The following SCYL2 variants were observed in gnomAD, a reference collection of about 807,000 sequenced individuals.
SCYL2 encodes the protein SCY1 like pseudokinase 2, also known as SCY1-like protein 2.
SCYL2 carries 36 observed loss-of-function variants against 100.4 expected under a neutral mutation model. That is an observed-to-expected ratio of 0.36 (90% CI 0.27 to 0.47). The LOEUF (loss-of-function observed/expected upper bound fraction) is 0.47. Ranked by LOEUF, SCYL2 falls within the 20% of genes least tolerant of loss-of-function variation. The pLI, the probability that SCYL2 is intolerant of heterozygous loss-of-function variation, is 1.00. For missense variants in SCYL2, 902 were observed against 1,083.9 expected (o/e 0.83, Z 2.36); for synonymous variants, 330 against 359.2 (o/e 0.92, Z 0.92).
At chr12:100,280,648 C>T (rs747564164) in intron 1 of SCYL2, among the ~76,000 whole-genome samples, 3 of 152,122 alleles carry the variant, frequency 2.0e-5, no homozygotes, top group Non-Finnish European at 4.4e-5. Context: ...GGTTGAATAT[C>T]CCTAATCCAA....
At chr12:100,319,399 A>T (rs537898708) in intron 10 of SCYL2, 46 of 349,350 alleles carry the variant, frequency 1.3e-4, no homozygotes, top group African/African-American at 9.4e-4. Flanking sequence ...AGTGATATTA[A>T]AGAAGAGGGA....
At chr12:100,301,239 C>G (rs1334220780) in intron 4 of SCYL2, among the ~76,000 whole-genome samples, 1 of 152,138 alleles carries the variant, frequency 6.6e-6, no homozygotes, top group Non-Finnish European at 1.5e-5. Flanking sequence ...TCGTGTTTCT[C>G]TGATGATCAT....
chr12:100,288,530 T>A (rs937117713), intron 2 of SCYL2, among the ~76,000 whole-genome samples: 2 of 152,174 alleles, frequency 1.3e-5, no homozygotes, highest in Non-Finnish European at 2.9e-5. Context: ...TAGTCCTTTT[T>A]TTATATATAC....
At position 100,291,678 on chromosome 12, in the gene SCYL2, C is replaced by A; in HGVS notation, c.335+18C>A. 6.4e-7 allele frequency: 1 copy of A among 1,560,420 alleles called. No homozygotes were observed. The highest frequency in any genetic ancestry group is 8.6e-7 in the Non-Finnish European group (1 of 1,161,216). On this transcript the variant is annotated intron_variant, in intron 3 of 17. Transcript: ENST00000360820. The stretch of plus-strand genomic sequence containing the variant: ...GAATCCAGGTAAATTTTTACAAAAA[C>A]TTACATAGTAGACTTCCTGAACAAA...
At chr12:100,319,036 T>C (rs530005180) in intron 10 of SCYL2, among the ~76,000 whole-genome samples, 1 of 152,368 alleles carries the variant, frequency 6.6e-6, no homozygotes, top group Admixed American at 6.5e-5. Flanking sequence ...TAAAAGCTTA[T>C]AGTCTCTGCT....
chr12:100,298,805 A>G (rs1480433348), intron 4 of SCYL2, among the ~76,000 whole-genome samples: 1 of 152,122 alleles, frequency 6.6e-6, no homozygotes, highest in East Asian at 1.9e-4. Context: ...GCTGGTCTCG[A>G]ACTCCTGACC....
At chr12:100,294,674 C>T (rs1472972091) in intron 3 of SCYL2, among the ~76,000 whole-genome samples, 14 of 127,266 alleles carry the variant, frequency 1.1e-4, no homozygotes, top group East Asian at 2.6e-4. Flanking sequence ...ACCTCCCGGA[C>T]GGGGTGGCTG....
intron 3 of SCYL2, 88 bp downstream of exon 3, chr12:100,291,748 C>A: frequency 7.6e-7 from 1 of 1,313,750 alleles, no homozygotes; most frequent in Non-Finnish European, 1.0e-6. Context: ...CAAGTATTGT[C>A]AGTGAAAAAT....
At chr12:100,304,504 C>T (rs368651825) in intron 4 of SCYL2, among the ~76,000 whole-genome samples, 6 of 152,100 alleles carry the variant, frequency 3.9e-5, no homozygotes, top group East Asian at 3.9e-4. Flanking sequence ...CTTCCCTTGG[C>T]GACAGGAGGG....
chr12:100,314,735 A>G (rs991732876), intron 8 of SCYL2, 121 bp downstream of exon 8: 7 of 991,096 alleles, frequency 7.1e-6, no homozygotes, highest in African/African-American at 5.2e-5. Flanking sequence ...ATAAATGACT[A>G]TAAAACACTG....
rs1302930987 is a variant in SCYL2 at position 100,283,089 on chromosome 12, G to A, written c.119G>A (p.Ser40Asn). Residue 40 changes from serine to asparagine, a missense_variant, in exon 2 of 18, where the codon AGT becomes AAT. Transcript: ENST00000360820. The stretch of plus-strand genomic sequence containing the variant: ...TTTGATGTTGGTCGACACATTGCCA[G>A]TGGTGGCAATGGGCTAGCTTGGAAG... ...REFDVGRHIA[S>N]GGNGLAWKIF... is the part of the protein sequence containing the mutation. 5.8e-5 allele frequency: 93 copies of A among 1,612,822 alleles called. No individual in the cohort carries two copies. Among genetic ancestry groups the A allele is most frequent in the Non-Finnish European group, 7.9e-5 (93 of 1,179,458 alleles).
intron 5 of SCYL2, among the ~76,000 whole-genome samples, chr12:100,311,443 T>C (rs1222913929): frequency 2.0e-5 from 3 of 152,200 alleles, no homozygotes; most frequent in Non-Finnish European, 4.4e-5. Flanking sequence ...GTTTTTTTTT[T>C]TCCTCAGGAT....
intron 4 of SCYL2, among the ~76,000 whole-genome samples, chr12:100,299,856 C>A (rs1044972832): frequency 6.6e-6 from 1 of 152,146 alleles, no homozygotes; most frequent in Non-Finnish European, 1.5e-5. Context: ...CATACACATT[C>A]GTTTCTCCTG....
intron 1 of SCYL2, among the ~76,000 whole-genome samples, chr12:100,278,769 A>C (rs1280002667): frequency 1.3e-5 from 2 of 151,496 alleles, no homozygotes; most frequent in African/African-American, 4.9e-5. Context: ...AGCTGGGACT[A>C]CAGGCGCGTA....
intron 14 of SCYL2, among the ~76,000 whole-genome samples, chr12:100,335,086 A>C (rs2135942454): frequency 6.6e-6 from 1 of 152,204 alleles, no homozygotes; most frequent in South Asian, 2.1e-4. Flanking sequence ...TGATGGATTG[A>C]CTATGTTAAC....
chr12:100,314,461 C>G, intron 7 of SCYL2, 28 bp from the exon 8 acceptor site: 1 of 1,522,292 alleles, frequency 6.6e-7, no homozygotes, highest in Non-Finnish European at 9.0e-7. Flanking sequence ...TAACATTTAT[C>G]AAAATACTTT....
At chr12:100,268,321 GC>G (rs1288045594) in intron 1 of SCYL2, among the ~76,000 whole-genome samples, 2 of 152,188 alleles carry the variant, frequency 1.3e-5, no homozygotes, top group Non-Finnish European at 2.9e-5. Flanking sequence ...AAATCAGCCT[GC>G]CACTGTAAAA....
intron 1 of SCYL2, among the ~76,000 whole-genome samples, chr12:100,276,099 T>C (rs1292548215): frequency 1.3e-5 from 2 of 152,226 alleles, no homozygotes; most frequent in African/African-American, 4.8e-5. Context: ...TGGTTTGCAA[T>C]TTTATTGCCA....
At chr12:100,312,407 C>A in intron 5 of SCYL2, 25 bp from the exon 6 acceptor site, 2 of 1,469,836 alleles carry the variant, frequency 1.4e-6, no homozygotes, top group Non-Finnish European at 1.9e-6. Flanking sequence ...TGAAGTAACC[C>A]ATGTAATTCC....
Sources: allele counts gnomAD v4.1 joint callset (sites outside exome capture counted in the v4.1 genomes callset), GRCh38; gene constraint gnomAD v4.1.1; transcripts MANE v1.5; gene names NCBI Gene and HGNC (gene_info 2026-07-23, HGNC 2026-07-21).